PHF14: variants seen among roughly 807,000 people sequenced by gnomAD.
PHF14 encodes the protein PHD finger protein 14.
A neutral mutation model predicts 117.9 loss-of-function variants in PHF14; 55 were observed. That is an observed-to-expected ratio of 0.47 (90% CI 0.38 to 0.58). PHF14 has a LOEUF of 0.58. Among genes scored for constraint, PHF14 ranks in the 20% least tolerant of loss-of-function variants. The pLI is 0.00. For synonymous variants in PHF14, 409 were observed against 368.6 expected, an observed-to-expected ratio of 1.11 and a Z score of -1.26; for missense variants, 978 against 1,122.2, an observed-to-expected ratio of 0.87 and a Z score of 1.84.
At chr7:10,992,907 C>T (rs531873078) in intron 4 of PHF14, among the ~76,000 whole-genome samples, 1 of 152,074 alleles carries the variant, frequency 6.6e-6, no homozygotes, top group African/African-American at 2.4e-5. Flanking sequence ...GTCTCATAGA[C>T]ATTTTTAAAT....
intron 3 of PHF14, among the ~76,000 whole-genome samples, chr7:10,986,444 A>G (rs1782230171): frequency 1.3e-5 from 2 of 152,230 alleles, no homozygotes; most frequent in African/African-American, 2.4e-5. Context: ...CATGAGAGAA[A>G]GAGTGAAAAA....
intron 16 of PHF14, chr7:11,071,379 T>G: frequency 2.3e-6 from 1 of 443,596 alleles, no homozygotes; most frequent in African/African-American, 2.0e-5. Context: ...TTATTTTTCT[T>G]GCTTAAATAT....
chr7:11,004,486 G>A (rs1369937004), intron 4 of PHF14, among the ~76,000 whole-genome samples: 2 of 151,508 alleles, frequency 1.3e-5, no homozygotes, highest in Non-Finnish European at 2.9e-5. Context: ...CACCCCACAG[G>A]ATCCATTCAG....
chr7:11,039,824 G>A (rs1029909717), intron 11 of PHF14, among the ~76,000 whole-genome samples: 2 of 152,072 alleles, frequency 1.3e-5, no homozygotes, highest in African/African-American at 4.8e-5. Context: ...GCCTCTGGGA[G>A]GATCAGCCTT....
intron 7 of PHF14, 128 bp downstream of exon 7, chr7:11,028,946 T>A (rs1030131753): frequency 3.2e-5 from 25 of 782,938 alleles, no homozygotes; most frequent in African/African-American, 3.6e-5. Flanking sequence ...CCAAGATCAC[T>A]GTTCTAAAAC....
intron 4 of PHF14, among the ~76,000 whole-genome samples, chr7:11,004,694 T>G (rs1288467612): frequency 2.6e-5 from 4 of 151,898 alleles, no homozygotes; most frequent in African/African-American, 7.3e-5. Context: ...TTTTTTTTTT[T>G]GTAAGAGTAT....
intron 4 of PHF14, among the ~76,000 whole-genome samples, chr7:11,012,085 C>G (rs1783376238): frequency 1.3e-5 from 2 of 152,164 alleles, no homozygotes; most frequent in Non-Finnish European, 2.9e-5. Flanking sequence ...TACCGGCAGC[C>G]TCATCAATGC....
In PHF14 at chr7:11,163,885, G is replaced by A. The variant is rs139311747; in HGVS notation, c.2773-5531G>A. On this transcript the variant is annotated intron_variant, in intron 17 of 17. Coordinates refer to ENST00000634607, the MANE Select transcript of PHF14 (RefSeq NM_001007157.2). ...CAGATGGAAGCCAAGTAGTGTATCT[G>A]TTTTTCTTTCTACACTTGTTCCGTA... Among the ~76,000 whole-genome samples the A allele has an allele frequency of 1.2e-3, 181 of 152,222 alleles. 1 individual carries two copies. Among genetic ancestry groups the A allele is most frequent in the African/African-American group, 4.1e-3 (171 of 41,570 alleles).
chr7:11,054,147 G>T (rs1784939504), intron 14 of PHF14, among the ~76,000 whole-genome samples: 1 of 151,768 alleles, frequency 6.6e-6, no homozygotes, highest in Non-Finnish European at 1.5e-5. Context: ...GTACTGTGTG[G>T]TGCTAAGTTT....
chr7:11,152,945 T>G (rs1788742102), intron 17 of PHF14, among the ~76,000 whole-genome samples: 1 of 152,252 alleles, frequency 6.6e-6, no homozygotes, highest in Admixed American at 6.5e-5. Flanking sequence ...GAAACTGAAC[T>G]TGTGAGCAGA....
intron 17 of PHF14, among the ~76,000 whole-genome samples, chr7:11,162,463 A>T (rs1789074966): frequency 6.6e-6 from 1 of 152,160 alleles, no homozygotes; most frequent in Admixed American, 6.5e-5. Flanking sequence ...ATATAAATTT[A>T]TAGAATTGGG....
chr7:11,088,982 AG>A (rs1319814096), intron 16 of PHF14, among the ~76,000 whole-genome samples: 1 of 152,154 alleles, frequency 6.6e-6, no homozygotes, highest in African/African-American at 2.4e-5. Flanking sequence ...GAATGGTAGG[AG>A]TCTGAGTAAA....
At chr7:11,106,220 T>A in intron 16 of PHF14, 1 of 978,594 alleles carries the variant, frequency 1.0e-6, no homozygotes, top group Non-Finnish European at 1.2e-6. Context: ...AAGTGACTAT[T>A]AAATACAGAT....
chr7:11,127,859 T>C (rs1787970512), intron 17 of PHF14, among the ~76,000 whole-genome samples: 1 of 152,084 alleles, frequency 6.6e-6, no homozygotes, highest in South Asian at 2.1e-4. Context: ...GAGTCCTAAA[T>C]CAAATATCCT....
intron 4 of PHF14, among the ~76,000 whole-genome samples, chr7:10,996,341 G>A (rs79009556): frequency 0.013 from 2,016 of 152,174 alleles, 17 homozygotes; most frequent in Non-Finnish European, 0.023. Context: ...TTTAAATTTG[G>A]GACTTATCAG....
intron 4 of PHF14, among the ~76,000 whole-genome samples, chr7:10,996,396 A>G (rs372948537): frequency 6.6e-6 from 1 of 152,224 alleles, no homozygotes; most frequent in East Asian, 1.9e-4. Flanking sequence ...GCTTGTAACA[A>G]AGTCATCCTA....
chr7:11,039,437 AAAG>A (rs1784432107), intron 11 of PHF14, among the ~76,000 whole-genome samples: 1 of 151,872 alleles, frequency 6.6e-6, no homozygotes, highest in South Asian at 2.1e-4. Context: ...TTAGTCTGTT[AAAG>A]TTTTTGGTGT....
intron 4 of PHF14, among the ~76,000 whole-genome samples, chr7:11,005,475 TTCTC>T (rs1179522559): frequency 6.6e-6 from 1 of 152,206 alleles, no homozygotes; most frequent in African/African-American, 2.4e-5. Context: ...ACACAAACAC[TTCTC>T]TCTCTTTCTC....
chr7:11,051,582 G>A (rs201508531), intron 13 of PHF14, 30 bp from the exon 14 acceptor site: 1 of 1,575,016 alleles, frequency 6.3e-7, no homozygotes, highest in Admixed American at 1.8e-5. Context: ...AATAATAAAT[G>A]CATGACTTAA....
Sources: gnomAD v4.1 joint callset for allele counts (sites outside exome capture counted in the v4.1 genomes callset) on GRCh38, gnomAD v4.1.1 for gene constraint, MANE v1.5 for transcripts, NCBI Gene and HGNC (gene_info 2026-07-23, HGNC 2026-07-21) for gene names.